Variants in NR6A1 observed in about 807,000 individuals in gnomAD.
The protein encoded by NR6A1 is nuclear receptor subfamily 6 group A member 1, also known as retinoic acid receptor-related testis-associated receptor.
Under a neutral mutation model 59.1 loss-of-function variants are expected in NR6A1, and 7 were observed. The ratio of observed to expected loss-of-function variants is 0.12; its 90% CI spans 0.07 to 0.22. The LOEUF is 0.22. Among genes scored for constraint, NR6A1 ranks in the 10% least tolerant of loss-of-function variants. The pLI, the probability that NR6A1 is intolerant of heterozygous loss-of-function variation, is 1.00. For missense variants in NR6A1, 468 were observed against 611.6 expected (o/e 0.77, Z 2.48); for synonymous variants, 243 against 236.1 (o/e 1.03, Z -0.27).
chr9:124,723,529 G>C (rs1471865455), intron 2 of NR6A1, among the ~76,000 whole-genome samples: 1 of 152,112 alleles, frequency 6.6e-6, no homozygotes, highest in Non-Finnish European at 1.5e-5. Context: ...AATCTCATCT[G>C]AACTATTTAC....
chr9:124,586,581 GACT>G (rs1834942677), intron 2 of NR6A1, among the ~76,000 whole-genome samples: 1 of 152,036 alleles, frequency 6.6e-6, no homozygotes, highest in African/African-American at 2.4e-5. Context: ...AAGTAGCTGG[GACT>G]ACAGGCATGC....
intron 2 of NR6A1, among the ~76,000 whole-genome samples, chr9:124,630,483 T>A (rs1413338672): frequency 1.3e-5 from 2 of 151,292 alleles, no homozygotes; most frequent in Non-Finnish European, 2.9e-5. Context: ...GTGATCCGCC[T>A]GCTTTGGCCT....
rs1833334028 is a variant in NR6A1 at position 124,538,162 on chromosome 9, T to G, written c.754A>C (p.Ser252Arg). 6.2e-7 allele frequency: 1 copy of G among 1,614,212 alleles called. No individual in the cohort carries two copies. The highest frequency in any genetic ancestry group is 8.5e-7 in the Non-Finnish European group (1 of 1,180,026). Reference sequence around the variant, plus strand: ...GCTGATAACAGCTGGTGAATCAGACTGTATGACTGGGGATCCAGGCTGCGA... The same window carrying G: ...GCTGATAACAGCTGGTGAATCAGACGGTATGACTGGGGATCCAGGCTGCGA... ...QARSLDPQSY[S>R]LIHQLLSAED... Residue 252 changes from serine (S) to arginine (R), a missense_variant, in exon 6 of 10, where the codon AGT (serine) becomes CGT (arginine). Around this residue, in one of 4 missense-constraint regions of NR6A1, gnomAD observed 151 missense variants for 142.8 expected, o/e 1.06. Coordinates refer to ENST00000487099, the MANE Select transcript of NR6A1 (RefSeq NM_033334.4).
At chr9:124,652,808 A>C (rs1837144469) in intron 2 of NR6A1, among the ~76,000 whole-genome samples, 2 of 152,206 alleles carry the variant, frequency 1.3e-5, no homozygotes, top group African/African-American at 4.8e-5. Context: ...AGCCAAGATT[A>C]GCTCAAGGCT....
intron 2 of NR6A1, among the ~76,000 whole-genome samples, chr9:124,700,875 G>A (rs1413426101): frequency 6.8e-6 from 1 of 147,844 alleles, no homozygotes; most frequent in Non-Finnish European, 1.5e-5. Flanking sequence ...ATTCTCCTGT[G>A]TCAGCCTCCT....
At chr9:124,537,273 A>G (rs958148629) in intron 6 of NR6A1, among the ~76,000 whole-genome samples, 26 of 152,040 alleles carry the variant, frequency 1.7e-4, no homozygotes, top group African/African-American at 5.8e-4. Flanking sequence ...TATTTTTAGT[A>G]CACACGGGGT....
intron 2 of NR6A1, among the ~76,000 whole-genome samples, chr9:124,603,732 G>A (rs1835508473): frequency 6.6e-6 from 1 of 152,038 alleles, no homozygotes; most frequent in South Asian, 2.1e-4. Flanking sequence ...AAGAAAGGAA[G>A]GAAAGGAGCT....
intron 7 of NR6A1, among the ~76,000 whole-genome samples, chr9:124,528,775 AAAC>A (rs946345932): frequency 8.5e-5 from 13 of 152,302 alleles, no homozygotes; most frequent in East Asian, 5.8e-4. Flanking sequence ...AAAAGAAAAA[AAAC>A]AACCTCCCCC....
At position 124,711,487 on chromosome 9, in the gene NR6A1, T is replaced by C. The variant is rs146864571; in HGVS notation, c.142+21821A>G. Among the ~76,000 whole-genome samples, 39 of 151,398 alleles carry C rather than the reference T, an allele frequency of 2.6e-4. 2 individuals carry two copies. The highest frequency in any genetic ancestry group is 5.9e-5 in the Non-Finnish European group (4 of 67,906). On this transcript the variant is annotated intron_variant, in intron 2 of 9. Transcript: ENST00000487099. Reference sequence around the variant, plus strand: ...ACATTCACAAACACTCCTTTATCCATGCCCAAGGAATGGAGTGTCAGACCC... The same window carrying C: ...ACATTCACAAACACTCCTTTATCCACGCCCAAGGAATGGAGTGTCAGACCC...
chr9:124,672,614 C>CA (rs796418042), intron 2 of NR6A1, among the ~76,000 whole-genome samples: 4,571 of 138,324 alleles, frequency 0.033, 194 homozygotes, highest in African/African-American at 0.1. Context: ...GACTCCGTTT[C>CA]AAAAAAAAAA....
At chr9:124,592,995 A>G (rs1169156868) in intron 2 of NR6A1, among the ~76,000 whole-genome samples, 4 of 152,238 alleles carry the variant, frequency 2.6e-5, no homozygotes, top group African/African-American at 9.6e-5. Flanking sequence ...GGAAAGGGGA[A>G]TCTGAAAAAT....
chr9:124,739,590 G>A (rs1464910904), intron 1 of NR6A1, among the ~76,000 whole-genome samples: 1 of 152,156 alleles, frequency 6.6e-6, no homozygotes, highest in African/African-American at 2.4e-5. Context: ...AAGTAGCTGA[G>A]ACTACAGGTG....
intron 2 of NR6A1, among the ~76,000 whole-genome samples, chr9:124,639,885 A>G (rs1179671831): frequency 6.6e-6 from 1 of 152,222 alleles, no homozygotes; most frequent in Non-Finnish European, 1.5e-5. Flanking sequence ...AGCAGCAGAA[A>G]CAATTAGTAT....
rs185930767 is a variant in NR6A1, at chr9:124,618,837, T to A, written c.143-64267A>T. Among the ~76,000 whole-genome samples, 509 of 152,306 alleles carry A rather than the reference T, an allele frequency of 3.3e-3. 1 individual carries two copies. Among genetic ancestry groups the A allele is most frequent in the Non-Finnish European group, 5.9e-3 (402 of 68,022 alleles). On this transcript the variant is annotated intron_variant, in intron 2 of 9. Coordinates refer to ENST00000487099, the MANE Select transcript of NR6A1 (RefSeq NM_033334.4). ...TACAGTCATAATAAATAATACAGCA[T>A]TGGTGAGAATAGGAAAGCAGGCTCT...
At chr9:124,650,990 A>G (rs1837083800) in intron 2 of NR6A1, among the ~76,000 whole-genome samples, 1 of 152,188 alleles carries the variant, frequency 6.6e-6, no homozygotes, top group Admixed American at 6.5e-5. Flanking sequence ...ATAAATAGGT[A>G]ATAGAAAGAA....
chr9:124,523,701 T>C (rs116966587), intron 9 of NR6A1, among the ~76,000 whole-genome samples: 1 of 152,212 alleles, frequency 6.6e-6, no homozygotes, highest in East Asian at 1.9e-4. Context: ...AAAATATCCC[T>C]AAAATTCCAA....
In NR6A1 at chr9:124,540,206, A is replaced by C. The variant is rs1833404062; in HGVS notation, c.442-19T>G. The C allele has an allele frequency of 6.2e-7, 1 of 1,610,352 alleles. No individual in the cohort carries two copies. Among genetic ancestry groups the C allele is most frequent in the Non-Finnish European group, 8.5e-7 (1 of 1,178,472 alleles). On this transcript the variant is annotated intron_variant, in intron 4 of 9. Transcript: ENST00000487099. ...CCGATATCTTTGACAAGGAATTGAG[A>C]CATGTTAGATGGGTGCTCAGGACAC...
intron 1 of NR6A1, among the ~76,000 whole-genome samples, chr9:124,767,541 G>A (rs1840972620): frequency 6.6e-6 from 1 of 151,140 alleles, no homozygotes; most frequent in South Asian, 2.1e-4. Context: ...AAAAACCTGC[G>A]TGCTGTATGT....
At chr9:124,617,429 T>C (rs915429597) in intron 2 of NR6A1, among the ~76,000 whole-genome samples, 2 of 152,206 alleles carry the variant, frequency 1.3e-5, no homozygotes, top group African/African-American at 2.4e-5. Flanking sequence ...GGAAACACAA[T>C]TAGCTAGCGC....
Sources: gnomAD v4.1 joint callset for allele counts (sites outside exome capture counted in the v4.1 genomes callset) on GRCh38, gnomAD v4.1.1 for gene constraint, gnomAD v4.1.1 regional missense constraint, MANE v1.5 for transcripts, NCBI Gene and HGNC (gene_info 2026-07-23, HGNC 2026-07-21) for gene names.